The following DSTN variants were observed in gnomAD, a reference collection of about 807,000 sequenced individuals.
DSTN encodes the protein destrin.
In DSTN, 10 loss-of-function variants were observed where a neutral mutation model predicts 16.8. That is an observed-to-expected ratio of 0.60 (90% CI 0.37 to 1.01). DSTN has a LOEUF of 1.01. DSTN is among the 50% of genes least tolerant of loss of function. DSTN has a pLI of 0.01. For synonymous variants in DSTN, 57 were observed against 58.9 expected (o/e 0.97, Z 0.14); for missense variants, 141 against 196.7 (o/e 0.72, Z 1.69).
intron 3 of DSTN, among the ~76,000 whole-genome samples, chr20:17,606,601 G>A (rs902373419): frequency 6.6e-6 from 1 of 152,136 alleles, no homozygotes; most frequent in South Asian, 2.1e-4. Context: ...ACAAATTATT[G>A]TAGAATGTGT....
Position 17,601,028 on chromosome 20 carries a change from G to A in DSTN, c.294G>A (p.Glu98=). 2 of 1,591,956 alleles carry A rather than the reference G, an allele frequency of 1.3e-6. No individual in the cohort carries two copies. The highest frequency in any genetic ancestry group is 2.7e-5 in the African/African-American group (2 of 73,974). The change falls in exon 2 of 4, where the codon GAG becomes GAA. Residue 98 remains glutamate, a synonymous_variant. Coordinates refer to ENST00000246069, the MANE Select transcript of DSTN (RefSeq NM_006870.4). ...AAACAAAAGAATCCAGAAAAGAAGA[G>A]TTGATGTTTTTTTTGTGGTAAGCAT... ...SFETKESRKE[E]LMFFLWAPEL... is the part of the protein sequence containing the mutation.
At chr20:17,602,283 A>G (rs2035595295) in intron 2 of DSTN, among the ~76,000 whole-genome samples, 2 of 152,182 alleles carry the variant, frequency 1.3e-5, no homozygotes, top group East Asian at 3.8e-4. Context: ...GCATTTACTG[A>G]ACTTTATTTC....
chr20:17,592,151 C>T (rs984680795), intron 1 of DSTN: 3 of 956,308 alleles, frequency 3.1e-6, no homozygotes, highest in Non-Finnish European at 3.7e-6. Context: ...TACAGCCAGG[C>T]ATGGTGGCTC....
At chr20:17,593,170 C>T (rs1398903550) in intron 1 of DSTN, among the ~76,000 whole-genome samples, 2 of 152,204 alleles carry the variant, frequency 1.3e-5, no homozygotes, top group Non-Finnish European at 2.9e-5. Context: ...TTCATCCTTT[C>T]AGTCCCCTTG....
chr20:17,581,433 AG>A (rs1298055466), intron 1 of DSTN, among the ~76,000 whole-genome samples: 2 of 152,230 alleles, frequency 1.3e-5, no homozygotes, highest in African/African-American at 4.8e-5. Context: ...TGGTGAGCCA[AG>A]TTCACGCCAT....
intron 1 of DSTN, among the ~76,000 whole-genome samples, chr20:17,582,188 C>T (rs989681621): frequency 1.3e-5 from 2 of 151,088 alleles, no homozygotes; most frequent in South Asian, 2.1e-4. Context: ...AAGCGATTCT[C>T]CTGCCTCAGT....
chr20:17,589,289 C>T (rs111235293), intron 1 of DSTN, among the ~76,000 whole-genome samples: 1 of 151,892 alleles, frequency 6.6e-6, no homozygotes, highest in Non-Finnish European at 1.5e-5. Flanking sequence ...CTGCTCACTG[C>T]AACCTTCGCC....
chr20:17,596,470 G>GTCACTA (rs1338128704), intron 1 of DSTN, among the ~76,000 whole-genome samples: 3 of 152,168 alleles, frequency 2.0e-5, no homozygotes, highest in Non-Finnish European at 4.4e-5. Context: ...TTGCAGTCTA[G>GTCACTA]TCACTAATCG....
At chr20:17,583,002 C>A (rs529729937) in intron 1 of DSTN, among the ~76,000 whole-genome samples, 3 of 152,224 alleles carry the variant, frequency 2.0e-5, no homozygotes, top group Non-Finnish European at 4.4e-5. Context: ...AAAGGACTTA[C>A]AACTCAACAA....
At chr20:17,598,649 T>C (rs2035553015) in intron 1 of DSTN, among the ~76,000 whole-genome samples, 1 of 152,202 alleles carries the variant, frequency 6.6e-6, no homozygotes, top group African/African-American at 2.4e-5. Flanking sequence ...ATTCTGTTGG[T>C]TATCTTCATC....
chr20:17,594,039 C>T (rs957455510), intron 1 of DSTN, among the ~76,000 whole-genome samples: 1 of 151,838 alleles, frequency 6.6e-6, no homozygotes, highest in Non-Finnish European at 1.5e-5. Context: ...TATGATCATG[C>T]CACTGCAGTC....
chr20:17,585,491 T>C (rs1454241960), intron 1 of DSTN, among the ~76,000 whole-genome samples: 2 of 152,208 alleles, frequency 1.3e-5, no homozygotes, highest in East Asian at 3.8e-4. Context: ...TACTGTTTGG[T>C]TAATATGCTG....
intron 1 of DSTN, among the ~76,000 whole-genome samples, chr20:17,596,046 A>G (rs1048502757): frequency 2.0e-5 from 3 of 152,130 alleles, no homozygotes; most frequent in Non-Finnish European, 4.4e-5. Context: ...ATCTGTTGAA[A>G]TGTTCAGAGG....
At chr20:17,592,901 G>T (rs1413043335) in intron 1 of DSTN, among the ~76,000 whole-genome samples, 1 of 152,108 alleles carries the variant, frequency 6.6e-6, no homozygotes, top group Non-Finnish European at 1.5e-5. Flanking sequence ...CTCTTGCCTT[G>T]GTTGCTGAAT....
rs1312007640 is a variant in DSTN, at chr20:17,602,667, A to T, written c.311+1622A>T. ...GGAGCAGCTCTTAAAGTAGTTTAACAATTTGGTTAGAATAAAAGCAGAACA... is the reference window on the plus strand; with the variant it reads ...GGAGCAGCTCTTAAAGTAGTTTAACTATTTGGTTAGAATAAAAGCAGAACA... On this transcript the variant is annotated intron_variant, in intron 2 of 3. Transcript: ENST00000246069. Among the ~76,000 whole-genome samples, 7 of 152,306 alleles carry T rather than the reference A, an allele frequency of 4.6e-5. No individual in the cohort carries two copies. The East Asian group carries it at 1.2e-3, about 25-fold the overall frequency.
chr20:17,595,837 G>C (rs1420578385), intron 1 of DSTN, among the ~76,000 whole-genome samples: 1 of 151,758 alleles, frequency 6.6e-6, no homozygotes, highest in Non-Finnish European at 1.5e-5. Context: ...TTAATGTTTT[G>C]GCTCTTCCTC....
chr20:17,582,549 CTG>C (rs1011526979), intron 1 of DSTN, among the ~76,000 whole-genome samples: 12 of 152,142 alleles, frequency 7.9e-5, no homozygotes, highest in African/African-American at 2.4e-4. Context: ...AAGGATAAAA[CTG>C]TATTTCCCAT....
At chr20:17,580,756 A>C (rs1285668215) in intron 1 of DSTN, among the ~76,000 whole-genome samples, 1 of 152,144 alleles carries the variant, frequency 6.6e-6, no homozygotes, top group Non-Finnish European at 1.5e-5. Flanking sequence ...CTCAAAAAAA[A>C]AAAAAAATGG....
Position 17,607,155 on chromosome 20 carries a change from G to T in DSTN, c.*9G>T, listed in dbSNP as rs557912913. On this transcript the variant is annotated 3_prime_UTR_variant, in exon 4 of 4. Transcript: ENST00000246069. ...AAGGATGCCCTGTGTAGATTATTCA[G>T]TGCCACAAATTGAAAGCTTCCATGT... 1 of 1,606,408 alleles carries T rather than the reference G, an allele frequency of 6.2e-7. No homozygotes were observed. Among genetic ancestry groups the T allele is most frequent in the South Asian group, 1.1e-5 (1 of 89,706 alleles).
Sources: gnomAD v4.1 joint callset for allele counts (sites outside exome capture counted in the v4.1 genomes callset) on GRCh38, gnomAD v4.1.1 for gene constraint, MANE v1.5 for transcripts, NCBI Gene and HGNC (gene_info 2026-07-23, HGNC 2026-07-21) for gene names.